The following FAM149B1 variants were observed in gnomAD, a reference collection of about 807,000 sequenced individuals.
FAM149B1 encodes family with sequence similarity 149 member B1, also known as primary cilium assembly protein FAM149B1.
FAM149B1 carries 56 observed loss-of-function variants against 75.3 expected under a neutral mutation model. The observed-to-expected ratio is 0.74, with a 90% CI of 0.60 to 0.93. FAM149B1 has a LOEUF of 0.93. FAM149B1 is among the 40% of genes least tolerant of loss of function. The probability of loss-of-function intolerance (pLI) is 0.00; values close to 1 mark genes in which losing one functional copy is unlikely to be tolerated. For synonymous variants in FAM149B1, 259 were observed against 256.1 expected (o/e 1.01, Z -0.11); for missense variants, 639 against 708.4 (o/e 0.90, Z 1.11).
At chr10:73,178,350 G>GT (rs1345113340) in intron 3 of FAM149B1, among the ~76,000 whole-genome samples, 3 of 152,172 alleles carry the variant, frequency 2.0e-5, no homozygotes, top group African/African-American at 7.2e-5. Context: ...AATTAGCCGG[G>GT]TGTGGTGGTG....
intron 5 of FAM149B1, among the ~76,000 whole-genome samples, chr10:73,194,059 C>T: frequency 6.6e-6 from 1 of 152,072 alleles, no homozygotes; most frequent in East Asian, 1.9e-4. Flanking sequence ...CCATGATAAC[C>T]CATTAATCCA....
intron 5 of FAM149B1, among the ~76,000 whole-genome samples, chr10:73,198,173 G>A (rs779235662): frequency 4.6e-5 from 7 of 152,142 alleles, no homozygotes; most frequent in Non-Finnish European, 8.8e-5. Context: ...AACGAAGTTG[G>A]ACCCTTACTT....
intron 5 of FAM149B1, among the ~76,000 whole-genome samples, chr10:73,195,132 AATT>A (rs1207952605): frequency 1.3e-5 from 2 of 152,236 alleles, no homozygotes; most frequent in East Asian, 3.8e-4. Context: ...TCATTTAAAA[AATT>A]ATTCCTATAC....
intron 7 of FAM149B1, among the ~76,000 whole-genome samples, chr10:73,222,667 A>T (rs768589627): frequency 1.3e-5 from 2 of 152,196 alleles, no homozygotes; most frequent in Non-Finnish European, 2.9e-5. Flanking sequence ...TTTTCAAGGC[A>T]ATTGCAGGTC....
In FAM149B1 at chr10:73,239,326, T is replaced by C. The variant is rs1228458483; in HGVS notation, c.1617T>C (p.Tyr539=). Residue 539 remains tyrosine, a synonymous_variant, in exon 13 of 14, where the codon TAT becomes TAC. Coordinates refer to ENST00000242505, the MANE Select transcript of FAM149B1 (RefSeq NM_173348.2). ...TTGTCTTGTAGCTGGATACACAGTA[T>C]CGTCGCTCATGTGCAGTTGAGTATC... ...TTQSFLLDTQ[Y]RRSCAVEYPH... The C allele has an allele frequency of 4.5e-6, 7 of 1,551,638 alleles. No homozygotes were observed. In the East Asian group the frequency reaches 1.7e-4, roughly 38 times the overall value.
At chr10:73,190,094 T>G (rs2042642469) in intron 3 of FAM149B1, among the ~76,000 whole-genome samples, 1 of 152,150 alleles carries the variant, frequency 6.6e-6, no homozygotes, top group Non-Finnish European at 1.5e-5. Context: ...ATGCTAGAAC[T>G]AAGAAAATCA....
At chr10:73,189,507 A>C (rs1775317266) in intron 3 of FAM149B1, among the ~76,000 whole-genome samples, 1 of 152,252 alleles carries the variant, frequency 6.6e-6, no homozygotes, top group Admixed American at 6.5e-5. Flanking sequence ...GTCCCTTAAC[A>C]GGGGAATGGA....
At chr10:73,198,052 C>A (rs2042849786) in intron 5 of FAM149B1, among the ~76,000 whole-genome samples, 1 of 152,126 alleles carries the variant, frequency 6.6e-6, no homozygotes, top group South Asian at 2.1e-4. Context: ...CAAAAATAAA[C>A]CCTTGCAATT....
intron 5 of FAM149B1, chr10:73,200,639 G>T: frequency 3.3e-6 from 2 of 602,402 alleles, no homozygotes; most frequent in East Asian, 4.4e-5. Context: ...TATTTAGGTT[G>T]TGTTGCTTTC....
chr10:73,243,296 C>T lies in FAM149B1; in HGVS notation c.*2277C>T. 7.5e-7 allele frequency: 1 copy of T among 1,328,362 alleles called. No individual in the cohort carries two copies. Among genetic ancestry groups the T allele is most frequent in the African/African-American group, 1.5e-5 (1 of 68,470 alleles). 82.3% of individuals were successfully genotyped at this position (1,328,362 alleles called of 1,614,324 possible). A position where few individuals can be genotyped will look rare whatever the true frequency, so the allele number is the denominator to read the frequency against. On this transcript the variant is annotated 3_prime_UTR_variant, in exon 14 of 14. Coordinates refer to ENST00000242505, the MANE Select transcript of FAM149B1 (RefSeq NM_173348.2). Reference sequence around the variant, plus strand: ...CTGAAAAATTCAGGCTGGAAAGACACCTTTTCTCAAGAGCTGAATTGACTT... The same window carrying T: ...CTGAAAAATTCAGGCTGGAAAGACATCTTTTCTCAAGAGCTGAATTGACTT...
intron 7 of FAM149B1, among the ~76,000 whole-genome samples, chr10:73,219,802 C>G (rs1158639081): frequency 6.6e-6 from 1 of 152,060 alleles, no homozygotes; most frequent in East Asian, 1.9e-4. Flanking sequence ...TCATAAAACT[C>G]TCAGAAGAAA....
chr10:73,230,375 G>A (rs747590949), intron 8 of FAM149B1, 47 bp from the exon 9 acceptor site: 2 of 1,014,044 alleles, frequency 2.0e-6, no homozygotes, highest in African/African-American at 3.2e-5. Context: ...AACCAAACAG[G>A]TATCTTCTCC....
intron 3 of FAM149B1, among the ~76,000 whole-genome samples, chr10:73,185,158 G>A (rs1240270162): frequency 6.6e-6 from 1 of 152,108 alleles, no homozygotes; most frequent in Non-Finnish European, 1.5e-5. Flanking sequence ...TTAACAAATT[G>A]ACTTAAAGAA....
intron 13 of FAM149B1, among the ~76,000 whole-genome samples, chr10:73,240,262 A>G (rs2043911514): frequency 6.6e-6 from 1 of 152,240 alleles, no homozygotes; most frequent in Admixed American, 6.5e-5. Context: ...AATAATCAGC[A>G]ACTATGGTAA....
At chr10:73,215,091 C>T (rs1564704126) in intron 7 of FAM149B1, among the ~76,000 whole-genome samples, 1 of 152,092 alleles carries the variant, frequency 6.6e-6, no homozygotes, top group Non-Finnish European at 1.5e-5. Context: ...CGGCTCACTG[C>T]AGCCTCTGCG....
chr10:73,187,947 G>A (rs1008070503), intron 3 of FAM149B1, among the ~76,000 whole-genome samples: 2 of 151,972 alleles, frequency 1.3e-5, no homozygotes, highest in Non-Finnish European at 2.9e-5. Context: ...GCTGGGCACG[G>A]TGGTGCAGGC....
At chr10:73,182,085 T>C (rs1489671785) in intron 3 of FAM149B1, among the ~76,000 whole-genome samples, 5 of 152,242 alleles carry the variant, frequency 3.3e-5, no homozygotes, top group African/African-American at 1.2e-4. Flanking sequence ...TTGGTTACCA[T>C]GGGTATGGAA....
At chr10:73,179,603 G>T (rs1159374803) in intron 3 of FAM149B1, among the ~76,000 whole-genome samples, 2 of 150,782 alleles carry the variant, frequency 1.3e-5, no homozygotes, top group Non-Finnish European at 3.0e-5. Flanking sequence ...TAAGAGGTAG[G>T]ATCTGGAACT....
At chr10:73,188,777 G>A (rs1210422059) in intron 3 of FAM149B1, among the ~76,000 whole-genome samples, 1 of 122,912 alleles carries the variant, frequency 8.1e-6, no homozygotes, top group Non-Finnish European at 1.8e-5. Context: ...AAGGAAGGAA[G>A]GAAGGAAGGA....
Sources: gnomAD v4.1 joint callset for allele counts (sites outside exome capture counted in the v4.1 genomes callset) on GRCh38, gnomAD v4.1.1 for gene constraint, MANE v1.5 for transcripts, NCBI Gene and HGNC (gene_info 2026-07-23, HGNC 2026-07-21) for gene names.